GRID2: variants seen among roughly 807,000 people sequenced by gnomAD.
GRID2 encodes glutamate receptor ionotropic, delta-2.
Under a neutral mutation model 114.8 loss-of-function variants are expected in GRID2, and 33 were observed. The ratio of observed to expected loss-of-function variants is 0.29; its 90% CI spans 0.22 to 0.38. The LOEUF is 0.38. Ranked by LOEUF, GRID2 falls within the 10% of genes least tolerant of loss-of-function variation. The probability of loss-of-function intolerance (pLI) is 1.00; values close to 1 mark genes in which losing one functional copy is unlikely to be tolerated. For synonymous variants in GRID2, 505 were observed against 449.9 expected (o/e 1.12, Z -1.55); for missense variants, 1,184 against 1,257.7 (o/e 0.94, Z 0.89).
chr4:93,546,414 G>A (rs1733221115), intron 13 of GRID2, among the ~76,000 whole-genome samples: 1 of 152,106 alleles, frequency 6.6e-6, no homozygotes, highest in Non-Finnish European at 1.5e-5. Context: ...AAGGACATAG[G>A]GCTGAGCCAG....
At chr4:93,738,007 T>C (rs1034423780) in intron 14 of GRID2, among the ~76,000 whole-genome samples, 19 of 152,282 alleles carry the variant, frequency 1.2e-4, no homozygotes, top group Admixed American at 1.0e-3. Context: ...TATGACTTGC[T>C]TTGGCCAAGA....
At chr4:92,793,314 T>C (rs1335994734) in intron 2 of GRID2, among the ~76,000 whole-genome samples, 2 of 151,810 alleles carry the variant, frequency 1.3e-5, no homozygotes, top group South Asian at 2.1e-4. Flanking sequence ...AATATTCCAA[T>C]GGATTTGCTC....
chr4:93,188,097 GTACTATTCTGGAATC>G (rs1478516894), intron 4 of GRID2, among the ~76,000 whole-genome samples: 4 of 152,206 alleles, frequency 2.6e-5, no homozygotes, highest in Non-Finnish European at 5.9e-5. Context: ...GCTGAAGGCT[GTACTATTCTGGAATC>G]TCAAGGGTGA....
chr4:93,534,914 T>C (rs967291213), intron 13 of GRID2, among the ~76,000 whole-genome samples: 11 of 151,432 alleles, frequency 7.3e-5, no homozygotes, highest in African/African-American at 2.4e-4. Flanking sequence ...ATACAGTATG[T>C]TGTTATTAAT....
intron 10 of GRID2, among the ~76,000 whole-genome samples, chr4:93,437,343 G>T (rs1001461400): frequency 6.6e-6 from 1 of 152,082 alleles, no homozygotes; most frequent in African/African-American, 2.4e-5. Context: ...AGGAAGTTTG[G>T]CTCCAGCATC....
chr4:92,642,976 T>C (rs1375476899), intron 2 of GRID2, among the ~76,000 whole-genome samples: 3 of 151,836 alleles, frequency 2.0e-5, no homozygotes, highest in South Asian at 2.1e-4. Context: ...TTTGTACCAA[T>C]ACCATGCTAT....
chr4:93,045,233 T>A (rs1726017875), intron 2 of GRID2, among the ~76,000 whole-genome samples: 1 of 152,158 alleles, frequency 6.6e-6, no homozygotes, highest in Admixed American at 6.6e-5. Flanking sequence ...GACAGTAAAC[T>A]CTTGCCTTTT....
At chr4:92,391,560 C>T (rs1730240037) in intron 1 of GRID2, among the ~76,000 whole-genome samples, 1 of 152,046 alleles carries the variant, frequency 6.6e-6, no homozygotes. Flanking sequence ...TTTAGAAGCA[C>T]TCCCAGGGTC....
At chr4:92,707,353 A>G (rs1735002714) in intron 2 of GRID2, among the ~76,000 whole-genome samples, 1 of 152,178 alleles carries the variant, frequency 6.6e-6, no homozygotes, top group Admixed American at 6.6e-5. Context: ...CTATAAATGG[A>G]TAGCAAAATT....
At chr4:93,402,099 TA>T (rs1358194944) in intron 9 of GRID2, among the ~76,000 whole-genome samples, 1 of 152,114 alleles carries the variant, frequency 6.6e-6, no homozygotes, top group Non-Finnish European at 1.5e-5. Context: ...GAATAAATAA[TA>T]TATAATTCAT....
At chr4:93,006,894 T>TA (rs1578734688) in intron 2 of GRID2, among the ~76,000 whole-genome samples, 1 of 150,762 alleles carries the variant, frequency 6.6e-6, no homozygotes, top group South Asian at 2.1e-4. Context: ...CAAAAGTAAG[T>TA]AAAAAAACAG....
intron 6 of GRID2, 163 bp downstream of exon 6, chr4:93,217,074 C>T (rs1035539708): frequency 3.9e-5 from 18 of 464,382 alleles, no homozygotes; most frequent in Non-Finnish European, 5.0e-5. Flanking sequence ...TAAGAATTTG[C>T]GTCTTTGTTC....
intron 2 of GRID2, among the ~76,000 whole-genome samples, chr4:93,058,787 C>A (rs1029351868): frequency 1.3e-5 from 2 of 151,584 alleles, no homozygotes; most frequent in Non-Finnish European, 2.9e-5. Flanking sequence ...TTTTAAATAT[C>A]CTAATTAAAA....
At chr4:93,148,824 A>T (rs141754826) in intron 4 of GRID2, among the ~76,000 whole-genome samples, 2 of 152,184 alleles carry the variant, frequency 1.3e-5, no homozygotes, top group African/African-American at 4.8e-5. Context: ...ATTGTGGTAG[A>T]TATGTAATAA....
rs186131139 is a variant in GRID2, at chr4:93,711,615, T to C, written c.2361-57595T>C. 4.9e-3 allele frequency among the ~76,000 whole-genome samples: 748 copies of C among 152,294 alleles called. 5 individuals carry two copies. The highest frequency in any genetic ancestry group is 8.4e-3 in the Non-Finnish European group (569 of 68,024). The stretch of plus-strand genomic sequence containing the variant: ...CCCCTCTGGCTAGGGATGGTCTAAA[T>C]GCTACCTCTGTGTGCGCCAGCTGAA... On this transcript the variant is annotated intron_variant, in intron 14 of 15. Transcript: ENST00000282020.
intron 2 of GRID2, among the ~76,000 whole-genome samples, chr4:92,998,278 G>C (rs1303258219): frequency 1.3e-5 from 2 of 151,710 alleles, no homozygotes; most frequent in Non-Finnish European, 2.9e-5. Context: ...CCTTTTATTG[G>C]CTTACAGTAT....
intron 9 of GRID2, among the ~76,000 whole-genome samples, chr4:93,421,679 C>T (rs1256594225): frequency 6.6e-6 from 1 of 152,072 alleles, no homozygotes; most frequent in Non-Finnish European, 1.5e-5. Flanking sequence ...TGAACAATTA[C>T]AAAATTTATC....
intron 2 of GRID2, among the ~76,000 whole-genome samples, chr4:92,755,655 A>G (rs1426371368): frequency 6.6e-6 from 1 of 152,182 alleles, no homozygotes; most frequent in East Asian, 1.9e-4. Context: ...GTATTAATGA[A>G]ACAAAAAGGA....
At chr4:92,821,950 T>C (rs1000535806) in intron 2 of GRID2, 4 of 158,786 alleles carry the variant, frequency 2.5e-5, no homozygotes, top group Non-Finnish European at 4.1e-5. Context: ...AATCAGAAAG[T>C]CAGTTGAAAG....
Sources: gnomAD v4.1 joint callset for allele counts (sites outside exome capture counted in the v4.1 genomes callset) on GRCh38, gnomAD v4.1.1 for gene constraint, MANE v1.5 for transcripts, NCBI Gene and HGNC (gene_info 2026-07-23, HGNC 2026-07-21) for gene names.